ANKH: variants seen among roughly 807,000 people sequenced by gnomAD.
ANKH encodes ANKH inorganic pyrophosphate transport regulator.
In ANKH, 15 loss-of-function variants were observed where a neutral mutation model predicts 49.0. That is an observed-to-expected ratio of 0.31 (90% CI 0.20 to 0.47). ANKH has a LOEUF of 0.47. Among genes scored for constraint, ANKH ranks in the 20% least tolerant of loss-of-function variants. The pLI is 1.00. For synonymous variants in ANKH, 273 were observed against 260.0 expected, an observed-to-expected ratio of 1.05 and a Z score of -0.48; for missense variants, 429 against 652.0, an observed-to-expected ratio of 0.66 and a Z score of 3.72.
Position 14,784,867 on chromosome 5 carries a change from C to T in ANKH, c.97-15676G>A, listed in dbSNP as rs114065900. 4.3e-3 allele frequency among the ~76,000 whole-genome samples: 647 copies of T among 152,030 alleles called. 5 individuals carry two copies. The highest frequency in any genetic ancestry group is 6.9e-3 in the Non-Finnish European group (472 of 67,988). ...AGTGAGGCCCTAGAAAAGGCACTTG[C>T]TGAAGTTAGTACAACCCCCAATCAA... On this transcript the variant is annotated intron_variant, in intron 1 of 11. Transcript: ENST00000284268.
intron 1 of ANKH, among the ~76,000 whole-genome samples, chr5:14,832,323 T>A (rs1184740606): frequency 6.6e-6 from 1 of 152,234 alleles, no homozygotes; most frequent in Non-Finnish European, 1.5e-5. Context: ...CAGTTCTCCA[T>A]GTGCAAATAA....
intron 1 of ANKH, chr5:14,868,835 G>A (rs947704762): frequency 6.6e-6 from 1 of 151,940 alleles, no homozygotes; most frequent in Non-Finnish European, 1.5e-5. Flanking sequence ...AAAGTGCTAG[G>A]ATTGATCTCC....
At chr5:14,728,074 C>T (rs986982243) in intron 8 of ANKH, among the ~76,000 whole-genome samples, 8 of 152,216 alleles carry the variant, frequency 5.3e-5, no homozygotes, top group African/African-American at 9.6e-5. Context: ...ATCTGCTATA[C>T]GTGCTGGATT....
At chr5:14,771,532 G>A (rs182739424) in intron 1 of ANKH, among the ~76,000 whole-genome samples, 12 of 152,282 alleles carry the variant, frequency 7.9e-5, no homozygotes, top group Admixed American at 5.9e-4. Flanking sequence ...GCTCTGGGTC[G>A]CTTCTTTGGC....
intron 1 of ANKH, among the ~76,000 whole-genome samples, chr5:14,788,957 G>A (rs1358456374): frequency 2.0e-5 from 3 of 152,184 alleles, no homozygotes; most frequent in South Asian, 2.1e-4. Flanking sequence ...GGCCGGGCAC[G>A]GTGGCTCACG....
intron 1 of ANKH, among the ~76,000 whole-genome samples, chr5:14,774,582 C>T (rs1442356434): frequency 1.3e-5 from 2 of 152,040 alleles, no homozygotes; most frequent in African/African-American, 4.8e-5. Context: ...GGATTACAGG[C>T]ACCCACCACA....
chr5:14,755,760 G>C, intron 4 of ANKH, 101 bp downstream of exon 4: 1 of 1,115,906 alleles, frequency 9.0e-7, no homozygotes, highest in Non-Finnish European at 1.4e-6. Context: ...CAGGTCGAAT[G>C]CAGAGTGTAC....
intron 1 of ANKH, among the ~76,000 whole-genome samples, chr5:14,861,881 T>C (rs1005664544): frequency 3.3e-5 from 5 of 152,222 alleles, no homozygotes; most frequent in Non-Finnish European, 5.9e-5. Flanking sequence ...GAATAAATAT[T>C]GTCCCCAACC....
At chr5:14,719,706 C>T (rs1004977103) in intron 8 of ANKH, among the ~76,000 whole-genome samples, 16 of 152,074 alleles carry the variant, frequency 1.1e-4, no homozygotes, top group African/African-American at 3.1e-4. Flanking sequence ...CAGAGTTTAT[C>T]GTAGTCACAA....
At position 14,866,825 on chromosome 5, in the gene ANKH, C is replaced by T. The variant is rs533017506; in HGVS notation, c.96+4527G>A. Among the ~76,000 whole-genome samples the T allele has an allele frequency of 5.9e-5, 9 of 152,206 alleles. No homozygotes were observed. In the East Asian group the frequency reaches 1.5e-3, roughly 26 times the overall value. ...AAAATGAACTTCTTGGTCATAATAT[C>T]CCTTTCCTGGAAGCCCTCCTTTTAA... On this transcript the variant is annotated intron_variant, in intron 1 of 11. Transcript: ENST00000284268.
chr5:14,777,458 A>C (rs1739662536), intron 1 of ANKH, among the ~76,000 whole-genome samples: 1 of 152,168 alleles, frequency 6.6e-6, no homozygotes, highest in African/African-American at 2.4e-5. Context: ...AAAAGTAAAA[A>C]ATATAACCTC....
At chr5:14,829,772 C>G (rs1445271185) in intron 1 of ANKH, among the ~76,000 whole-genome samples, 2 of 152,330 alleles carry the variant, frequency 1.3e-5, no homozygotes, top group Non-Finnish European at 2.9e-5. Flanking sequence ...CCAATATAAT[C>G]TGTCCTCCCC....
intron 1 of ANKH, among the ~76,000 whole-genome samples, chr5:14,864,026 G>A (rs1447488205): frequency 1.3e-5 from 2 of 152,078 alleles, no homozygotes; most frequent in African/African-American, 4.8e-5. Context: ...ACCAGCTTGG[G>A]CAACATCACA....
At chr5:14,808,163 A>G (rs1039021361) in intron 1 of ANKH, among the ~76,000 whole-genome samples, 1 of 152,246 alleles carries the variant, frequency 6.6e-6, no homozygotes, top group Admixed American at 6.5e-5. Flanking sequence ...AAAGGAAGGA[A>G]AAATCAGCCA....
intron 1 of ANKH, among the ~76,000 whole-genome samples, chr5:14,776,295 C>T (rs1212026949): frequency 6.6e-6 from 1 of 152,118 alleles, no homozygotes; most frequent in Admixed American, 6.5e-5. Context: ...ATTTGAGATG[C>T]CCATTAGGAT....
intron 1 of ANKH, among the ~76,000 whole-genome samples, chr5:14,805,047 T>C (rs768230158): frequency 1.3e-5 from 2 of 152,202 alleles, no homozygotes; most frequent in Non-Finnish European, 2.9e-5. Flanking sequence ...GTACTGATTT[T>C]TGATGTGTCT....
chr5:14,783,497 T>C (rs908940452), intron 1 of ANKH, among the ~76,000 whole-genome samples: 6 of 152,238 alleles, frequency 3.9e-5, no homozygotes, highest in Admixed American at 1.3e-4. Flanking sequence ...CAGTATTCTA[T>C]TGATGCACAG....
chr5:14,818,771 G>T (rs1741117314), intron 1 of ANKH, among the ~76,000 whole-genome samples: 1 of 151,020 alleles, frequency 6.6e-6, no homozygotes, highest in African/African-American at 2.4e-5. Context: ...CAGCAATTCT[G>T]CCCTTGATTC....
intron 8 of ANKH, among the ~76,000 whole-genome samples, chr5:14,736,269 C>A (rs536451414): frequency 6.6e-6 from 1 of 152,196 alleles, no homozygotes; most frequent in South Asian, 2.1e-4. Flanking sequence ...GTCTGGGGGC[C>A]CTGGCACAGT....
Sources: gnomAD v4.1 joint callset for allele counts (sites outside exome capture counted in the v4.1 genomes callset) on GRCh38, gnomAD v4.1.1 for gene constraint, MANE v1.5 for transcripts, NCBI Gene and HGNC (gene_info 2026-07-23, HGNC 2026-07-21) for gene names.